STAG2: variants seen among roughly 807,000 people sequenced by gnomAD.
STAG2 encodes the protein STAG2 cohesin complex component.
In STAG2, 14 loss-of-function variants were observed where a neutral mutation model predicts 108.1. That is an observed-to-expected ratio of 0.13 (90% CI 0.09 to 0.20). The LOEUF (loss-of-function observed/expected upper bound fraction) is 0.20, where lower values mean the gene tolerates loss of function less well. Among genes scored for constraint, STAG2 ranks in the 10% least tolerant of loss-of-function variants. STAG2 has a pLI of 1.00. For missense variants in STAG2, 440 were observed against 940.9 expected, an observed-to-expected ratio of 0.47 and a Z score of 6.96; for synonymous variants, 307 against 302.7, an observed-to-expected ratio of 1.01 and a Z score of -0.15.
chrX:124,074,189 T>G (rs906293366), intron 25 of STAG2, among the ~76,000 whole-genome samples: 2 of 112,690 alleles, frequency 1.8e-5, no homozygotes, highest in Non-Finnish European at 3.7e-5. Flanking sequence ...TCCGGGATTA[T>G]AGGCACATGC....
At chrX:124,060,131 G>T (rs991530360) in intron 15 of STAG2, among the ~76,000 whole-genome samples, 1 of 111,477 alleles carries the variant, frequency 9.0e-6, no homozygotes, top group Non-Finnish European at 1.9e-5. Flanking sequence ...TTTGTTTTTT[G>T]TTGTTGTTGT....
intron 1 of STAG2, among the ~76,000 whole-genome samples, chrX:124,006,599 C>T (rs764817699): frequency 5.5e-5 from 6 of 109,803 alleles, no homozygotes; most frequent in Non-Finnish European, 7.6e-5. Flanking sequence ...CCACCACGCC[C>T]GGCTAATTTT....
intron 1 of STAG2, among the ~76,000 whole-genome samples, chrX:124,009,443 G>GTAGGTAGGTAGGTAGGTAGGTAGATAGA (rs1556479689): frequency 1.6e-5 from 1 of 63,607 alleles, no homozygotes; most frequent in African/African-American, 6.1e-5. Context: ...AGGTAGGTAG[G>GTAGGTAGGTAGGTAGGTAGGTAGATAGA]TAGATAGATA....
At position 124,071,225 on chromosome X, in the gene STAG2, C is replaced by T; in HGVS notation, c.2435C>T (p.Pro812Leu). ...IMSGGRDMLE[P>L]LVYTPDSSLQ... ...TCAGGAGGGCGTGACATGTTAGAGC[C>T]ATTAGTGTATACCCCTGATTCTTCA... Residue 812 changes from proline to leucine, a missense_variant, in exon 25 of 35, where the codon CCA becomes CTA. By Grantham distance (98) the Pro-to-Leu change is moderately conservative. Around this residue, in one of 3 missense-constraint regions of STAG2, gnomAD observed 337 missense variants for 649.3 expected, o/e 0.52. Coordinates refer to ENST00000371145, the MANE Select transcript of STAG2 (RefSeq NM_001042750.2). The T allele has an allele frequency of 8.3e-7, 1 of 1,204,408 alleles. No homozygotes were observed.
chrX:123,968,912 T>A (rs1478397841), intron 1 of STAG2, among the ~76,000 whole-genome samples: 1 of 111,871 alleles, frequency 8.9e-6, no homozygotes, highest in East Asian at 2.8e-4. Flanking sequence ...AAATGCCTTG[T>A]CTCAAGTCAC....
intron 1 of STAG2, among the ~76,000 whole-genome samples, chrX:124,001,215 C>T (rs1193431199): frequency 4.5e-5 from 5 of 110,859 alleles, no homozygotes; most frequent in Admixed American, 9.6e-5. Flanking sequence ...CTCAGCCTCC[C>T]GAGTAGCTGG....
intron 1 of STAG2, among the ~76,000 whole-genome samples, chrX:123,973,211 C>G (rs901076426): frequency 1.7e-4 from 19 of 111,042 alleles, no homozygotes; most frequent in Non-Finnish European, 5.7e-5. Flanking sequence ...ATCAGTTTCT[C>G]TAGGGCTCAT....
intron 1 of STAG2, among the ~76,000 whole-genome samples, chrX:123,999,584 A>G (rs975351077): frequency 5.4e-5 from 6 of 111,122 alleles, no homozygotes; most frequent in African/African-American, 1.6e-4. Flanking sequence ...AGCTGGGACT[A>G]CGGGTGTGTG....
intron 1 of STAG2, among the ~76,000 whole-genome samples, chrX:123,986,146 A>C (rs2055175707): frequency 9.4e-6 from 1 of 106,690 alleles, no homozygotes; most frequent in Admixed American, 1.0e-4. Flanking sequence ...TCATATATGT[A>C]TATATGATAT....
At chrX:124,046,430 G>T (rs746876266) in intron 8 of STAG2, among the ~76,000 whole-genome samples, 1 of 112,018 alleles carries the variant, frequency 8.9e-6, no homozygotes, top group African/African-American at 3.2e-5. Context: ...GGATTATGGT[G>T]CAAGATGGAT....
chrX:124,023,782 G>A (rs759464414), intron 3 of STAG2, among the ~76,000 whole-genome samples: 1 of 111,437 alleles, frequency 9.0e-6, no homozygotes, highest in East Asian at 2.8e-4. Flanking sequence ...ACTATTGACT[G>A]TTAGAATATC....
In STAG2 at chrX:124,034,878, GTTA is replaced by G. The variant is rs112336660; in HGVS notation, c.289-2623_289-2621del. ...AGTAGTTGTTGTTGTTGTTGTTGTT[GTTA>G]TTATTATTATTATTATTATTATTAT... On this transcript the variant is annotated intron_variant, in intron 5 of 34. Coordinates refer to ENST00000371145, the MANE Select transcript of STAG2 (RefSeq NM_001042750.2). 3.1e-3 allele frequency among the ~76,000 whole-genome samples: 259 copies of G among 83,884 alleles called. 2 individuals are homozygous for G. Among genetic ancestry groups the G allele is most frequent in the African/African-American group, 1.0e-2 (238 of 23,839 alleles). The allele number at this position is 83,884 out of a possible 115,157, so 72.8% of individuals were successfully genotyped here.
intron 9 of STAG2, among the ~76,000 whole-genome samples, chrX:124,048,242 A>T (rs1453981229): frequency 8.9e-6 from 1 of 111,936 alleles, no homozygotes; most frequent in Admixed American, 9.5e-5. Context: ...GTTATTTCTG[A>T]AATAGTTAAT....
intron 34 of STAG2, among the ~76,000 whole-genome samples, chrX:124,097,179 C>CAAAAAAAAAA (rs56942682): frequency 2.6e-5 from 1 of 38,206 alleles, no homozygotes; most frequent in African/African-American, 1.2e-4. Flanking sequence ...GACCCTGTCT[C>CAAAAAAAAAA]AAAAAAAAAA....
intron 1 of STAG2, among the ~76,000 whole-genome samples, chrX:123,978,593 A>G (rs1015317608): frequency 2.7e-5 from 3 of 111,446 alleles, no homozygotes; most frequent in Non-Finnish European, 5.6e-5. Flanking sequence ...TTGATCCTCA[A>G]GATTCCCCAG....
rs2058188750 is a variant in STAG2, at chrX:124,056,158, T to C, written c.1227T>C (p.Asp409=). Residue 409 remains aspartate, a synonymous_variant, in exon 14 of 35, where the codon GAT becomes GAC. Coordinates refer to ENST00000371145, the MANE Select transcript of STAG2 (RefSeq NM_001042750.2). ...QSSEEVLTAE[D]CENVYHLVYS... ...GTGAAGAAGTTCTCACTGCAGAAGA[T>C]TGTGAAAATGTCTATCATCTGGTTT... 3 of 1,205,708 alleles carry C rather than the reference T, an allele frequency of 2.5e-6. No individual in the cohort carries two copies. The highest frequency in any genetic ancestry group is 2.2e-5 in the Admixed American group (1 of 45,537).
chrX:123,971,361 G>A (rs2054345379), intron 1 of STAG2, among the ~76,000 whole-genome samples: 1 of 112,221 alleles, frequency 8.9e-6, no homozygotes, highest in African/African-American at 3.2e-5. Flanking sequence ...GCTGGGGGTA[G>A]AGGTTACAGT....
intron 10 of STAG2, among the ~76,000 whole-genome samples, chrX:124,049,759 T>C (rs956127104): frequency 1.8e-5 from 2 of 112,136 alleles, no homozygotes; most frequent in African/African-American, 3.2e-5. Flanking sequence ...TCACCAGTAC[T>C]TACAAGATGA....
intron 1 of STAG2, among the ~76,000 whole-genome samples, chrX:123,964,706 AGGGTGGAGT>A (rs2054014556): frequency 1.0e-5 from 1 of 96,597 alleles, no homozygotes; most frequent in Non-Finnish European, 2.0e-5. Context: ...ACTGGCAGAG[AGGGTGGAGT>A]GGGTTTTTTT....
Sources: allele counts gnomAD v4.1 joint callset (sites outside exome capture counted in the v4.1 genomes callset), GRCh38; gene constraint gnomAD v4.1.1; regional missense constraint gnomAD v4.1.1; transcripts MANE v1.5; gene names NCBI Gene and HGNC (gene_info 2026-07-23, HGNC 2026-07-21).